TMEM184C: variants seen among roughly 807,000 people sequenced by gnomAD.
TMEM184C encodes the protein transmembrane protein 184C.
Under a neutral mutation model 54.5 loss-of-function variants are expected in TMEM184C, and 25 were observed. The observed-to-expected ratio is 0.46, with a 90% CI of 0.33 to 0.64. The LOEUF is 0.64. TMEM184C is among the 30% of genes least tolerant of loss of function. The pLI is 0.02. For synonymous variants in TMEM184C, 148 were observed against 181.5 expected (o/e 0.82, Z 1.49); for missense variants, 335 against 520.3 (o/e 0.64, Z 3.46).
At chr4:147,631,315 G>C (rs2126553819) in intron 6 of TMEM184C, 78 bp from the exon 7 acceptor site, 1 of 1,077,836 alleles carries the variant, frequency 9.3e-7, no homozygotes, top group Non-Finnish European at 1.3e-6. Flanking sequence ...CTCTGTACCA[G>C]GTCTCTGGTA....
At chr4:147,618,218 C>A in intron 1 of TMEM184C, 139 bp downstream of exon 1, 3 of 1,269,418 alleles carry the variant, frequency 2.4e-6, no homozygotes, top group African/African-American at 1.5e-5. Context: ...AGGATATAAA[C>A]CTGTCTAATT....
chr4:147,620,870 T>C (rs1253472906), intron 1 of TMEM184C, among the ~76,000 whole-genome samples: 1 of 152,232 alleles, frequency 6.6e-6, no homozygotes, highest in Non-Finnish European at 1.5e-5. Flanking sequence ...TCAGATATGC[T>C]GTTGGATATG....
At chr4:147,618,205 CT>C in intron 1 of TMEM184C, 126 bp downstream of exon 1, 1 of 1,370,686 alleles carries the variant, frequency 7.3e-7, no homozygotes, top group Non-Finnish European at 1.0e-6. Context: ...CGAGCCTACT[CT>C]TAGGATATAA....
chr4:147,625,199 T>A (rs1444337654), intron 4 of TMEM184C, among the ~76,000 whole-genome samples, 190 bp downstream of exon 4: 1 of 152,210 alleles, frequency 6.6e-6, no homozygotes, highest in Non-Finnish European at 1.5e-5. Flanking sequence ...CACATATATG[T>A]TAGTCTTTTT....
chr4:147,620,107 T>C (rs1732679738), intron 1 of TMEM184C, among the ~76,000 whole-genome samples: 1 of 152,218 alleles, frequency 6.6e-6, no homozygotes, highest in Admixed American at 6.5e-5. Context: ...GTAGATATTA[T>C]TCTCATTCCT....
chr4:147,621,410 C>T (rs1280838598), intron 1 of TMEM184C, among the ~76,000 whole-genome samples: 7 of 152,208 alleles, frequency 4.6e-5, no homozygotes, highest in East Asian at 3.9e-4. Context: ...CTCCTCATTT[C>T]GTGAGCCCAA....
At chr4:147,627,126 T>A (rs1732829021) in intron 4 of TMEM184C, among the ~76,000 whole-genome samples, 1 of 152,152 alleles carries the variant, frequency 6.6e-6, no homozygotes, top group Admixed American at 6.6e-5. Flanking sequence ...CAAGATTCTT[T>A]TAGATTGACT....
At position 147,634,523 on chromosome 4, in the gene TMEM184C, A is replaced by T. The variant is rs777828673; in HGVS notation, c.*89A>T. ...TTGTGCTTGGGACAGACCATAAATG[A>T]TGGAAAATGTCAACACAAAAATAGC... On this transcript the variant is annotated 3_prime_UTR_variant, in exon 10 of 10. Coordinates refer to ENST00000296582, the MANE Select transcript of TMEM184C (RefSeq NM_018241.3). The T allele has an allele frequency of 1.2e-5, 17 of 1,439,734 alleles. No individual in the cohort carries two copies. Among genetic ancestry groups the T allele is most frequent in the Admixed American group, 2.3e-5 (1 of 43,578 alleles). 89.2% of individuals were successfully genotyped at this position (1,439,734 alleles called of 1,614,324 possible). A position where few individuals can be genotyped will look rare whatever the true frequency, so the allele number is the denominator to read the frequency against.
At position 147,633,854 on chromosome 4, in the gene TMEM184C, G is replaced by A; in HGVS notation, c.969G>A (p.Glu323=). The change falls in exon 9 of 10, where the codon GAG becomes GAA. Residue 323 remains glutamate (E), a synonymous_variant. Transcript: ENST00000296582. ...SYKPYVQEAE[E]GSCFDSFLAM... ...AACCATATGTCCAAGAAGCAGAAGA[G>A]GGCTCATGCTTTGATTCCTTTCTTG... The A allele has an allele frequency of 6.2e-7, 1 of 1,613,826 alleles. No homozygotes were observed. Among genetic ancestry groups the A allele is most frequent in the South Asian group, 1.1e-5 (1 of 91,068 alleles).
intron 6 of TMEM184C, among the ~76,000 whole-genome samples, chr4:147,630,363 C>T (rs1732893384): frequency 6.6e-6 from 1 of 152,014 alleles, no homozygotes; most frequent in Non-Finnish European, 1.5e-5. Context: ...GTCCATGTAG[C>T]TAAAGTTTTC....
At chr4:147,620,353 A>G (rs1271301879) in intron 1 of TMEM184C, among the ~76,000 whole-genome samples, 10 of 152,210 alleles carry the variant, frequency 6.6e-5, no homozygotes, top group Non-Finnish European at 1.5e-5. Context: ...CATTACCTCC[A>G]TAGAACTTGG....
Position 147,624,920 on chromosome 4 carries a change from G to A in TMEM184C, c.408G>A (p.Arg136=). Residue 136 remains arginine, a synonymous_variant, in exon 4 of 10, where the codon CGG becomes CGA. Coordinates refer to ENST00000296582, the MANE Select transcript of TMEM184C (RefSeq NM_018241.3). ...TCCTTACCAATTATCTAACTAACCG[G>A]TATCCAAATCTGGTATTAATCCTTG... is the stretch of plus-strand genomic sequence containing the variant. ...MGFLTNYLTN[R]YPNLVLILEA... is the part of the protein sequence containing the mutation. The A allele has an allele frequency of 6.2e-7, 1 of 1,613,890 alleles. No homozygotes were observed. Among genetic ancestry groups the A allele is most frequent in the African/African-American group, 1.3e-5 (1 of 75,024 alleles).
intron 9 of TMEM184C, 77 bp downstream of exon 9, chr4:147,634,013 C>T: frequency 6.5e-7 from 1 of 1,539,172 alleles, no homozygotes. Context: ...AATTTATTAT[C>T]TATTTAGAGA....
chr4:147,626,552 A>G (rs1480267701), intron 4 of TMEM184C, among the ~76,000 whole-genome samples: 2 of 152,246 alleles, frequency 1.3e-5, no homozygotes, highest in Admixed American at 1.3e-4. Flanking sequence ...GTACAGGACC[A>G]TTTGTACAAC....
chr4:147,632,471 T>G (rs550977207), intron 7 of TMEM184C: 1 of 153,386 alleles, frequency 6.5e-6, no homozygotes, highest in Non-Finnish European at 1.4e-5. Flanking sequence ...GGGTGATTTT[T>G]ATTTTTATTT....
chr4:147,626,843 AAATT>A (rs757077110), intron 4 of TMEM184C, among the ~76,000 whole-genome samples: 8 of 152,218 alleles, frequency 5.3e-5, no homozygotes, highest in Admixed American at 2.0e-4. Flanking sequence ...TAGTAATGAC[AAATT>A]AATATAGATT....
chr4:147,618,723 A>G (rs1043267190), intron 1 of TMEM184C, among the ~76,000 whole-genome samples: 19 of 152,238 alleles, frequency 1.2e-4, no homozygotes, highest in African/African-American at 4.3e-4. Context: ...TATTACAAGA[A>G]CTATAATAAG....
chr4:147,624,089 T>C lies in TMEM184C; in HGVS notation c.282T>C (p.Ser94=), dbSNP rs1732765271. 2 of 1,600,914 alleles carry C rather than the reference T, an allele frequency of 1.2e-6. No individual in the cohort carries two copies. Among genetic ancestry groups the C allele is most frequent in the Non-Finnish European group, 1.7e-6 (2 of 1,169,778 alleles). ...IRILWMVPIY[S]LDSWIALKYP... is the part of the protein sequence containing the mutation. Reference sequence around the variant, plus strand: ...TTCTTTGGATGGTACCTATTTACAGTTTAGATAGTGTAAGTATGTTTCATT... The same window carrying C: ...TTCTTTGGATGGTACCTATTTACAGCTTAGATAGTGTAAGTATGTTTCATT... The change falls in exon 3 of 10, where the codon AGT becomes AGC. Residue 94 remains serine, a synonymous_variant. Transcript: ENST00000296582.
chr4:147,629,725 C>A, intron 6 of TMEM184C, 33 bp downstream of exon 6: 4 of 1,458,926 alleles, frequency 2.7e-6, no homozygotes, highest in Non-Finnish European at 3.7e-6. Context: ...TTAAACTGTA[C>A]TAAATTCGTA....
Sources: gnomAD v4.1 joint callset for allele counts (sites outside exome capture counted in the v4.1 genomes callset) on GRCh38, gnomAD v4.1.1 for gene constraint, MANE v1.5 for transcripts, NCBI Gene and HGNC (gene_info 2026-07-23, HGNC 2026-07-21) for gene names.